Variants in WASHC5 observed in about 807,000 individuals in gnomAD.
The protein encoded by WASHC5 is WASH complex subunit 5.
Under a neutral mutation model 150.4 loss-of-function variants are expected in WASHC5, and 101 were observed. That is an observed-to-expected ratio of 0.67 (90% CI 0.57 to 0.79). WASHC5 has a LOEUF of 0.79. Among genes scored for constraint, WASHC5 ranks in the 30% least tolerant of loss-of-function variants. The pLI is 0.00. For synonymous variants in WASHC5, 467 were observed against 491.2 expected, an observed-to-expected ratio of 0.95 and a Z score of 0.65; for missense variants, 1,195 against 1,396.3, an observed-to-expected ratio of 0.86 and a Z score of 2.30.
intron 23 of WASHC5, among the ~76,000 whole-genome samples, chr8:125,042,252 A>G (rs1815912153): frequency 6.6e-6 from 1 of 152,202 alleles, no homozygotes; most frequent in Non-Finnish European, 1.5e-5. Context: ...ACTATTGAGT[A>G]CAGCAGCTCC....
chr8:125,067,449 C>T (rs1413967979), intron 10 of WASHC5, 143 bp downstream of exon 10: 1 of 705,452 alleles, frequency 1.4e-6, no homozygotes, highest in East Asian at 3.0e-5. Context: ...TATTCCTGTC[C>T]TTTAACTATA....
chr8:125,049,199 G>T lies in WASHC5; in HGVS notation c.2200-14C>A, dbSNP rs1478053831. 5 of 1,613,794 alleles carry T rather than the reference G, an allele frequency of 3.1e-6. No individual in the cohort carries two copies. The highest frequency in any genetic ancestry group is 4.2e-6 in the Non-Finnish European group (5 of 1,179,726). On this transcript the variant is annotated splice_polypyrimidine_tract_variant and intron_variant, in intron 18 of 28. Transcript: ENST00000318410. ...CAATTCACTTGGCTGTGGAAAAGGG[G>T]AAACATAAAGCTCTTACACTGGAGT...
Position 125,059,537 on chromosome 8 carries a change from T to C in WASHC5, c.1527A>G (p.Gln509=), listed in dbSNP as rs1165519503. The C allele has an allele frequency of 1.2e-6, 2 of 1,612,498 alleles. No homozygotes were observed. Among genetic ancestry groups the C allele is most frequent in the African/African-American group, 2.7e-5 (2 of 74,912 alleles). Residue 509 remains glutamine (Q), a synonymous_variant, in exon 13 of 29, where the codon CAA becomes CAG. Transcript: ENST00000318410. Reference sequence around the variant, plus strand: ...GATTGGATTCCAACTGGTGGAATTCTTGAACCTGTGTTACAGAAATATACT... The same window carrying C: ...GATTGGATTCCAACTGGTGGAATTCCTGAACCTGTGTTACAGAAATATACT... ...VQLIQALEEV[Q]EFHQLESNLQ...
intron 7 of WASHC5, among the ~76,000 whole-genome samples, chr8:125,075,971 T>G (rs11998695): frequency 4.6e-5 from 7 of 152,226 alleles, no homozygotes; most frequent in African/African-American, 1.2e-4. Context: ...ATTATTAAAG[T>G]GAAATTCCTA....
chr8:125,086,289 C>T (rs1438034133), intron 1 of WASHC5, among the ~76,000 whole-genome samples: 2 of 152,140 alleles, frequency 1.3e-5, no homozygotes, highest in Non-Finnish European at 2.9e-5. Context: ...CCTGTGTCTT[C>T]GCATGGCCAC....
At chr8:125,032,160 A>G (rs926776430) in intron 27 of WASHC5, 81 bp downstream of exon 27, 1 of 1,489,644 alleles carries the variant, frequency 6.7e-7, no homozygotes, top group Non-Finnish European at 9.4e-7. Context: ...TATTAGGGCG[A>G]TAAGAGGAAT....
chr8:125,040,368 C>T (rs1010785286), intron 23 of WASHC5, among the ~76,000 whole-genome samples: 1 of 152,126 alleles, frequency 6.6e-6, no homozygotes, highest in Non-Finnish European at 1.5e-5. Context: ...TCTGTCCATG[C>T]CACTCAGGAT....
chr8:125,077,591 G>C (rs143137387), intron 6 of WASHC5, among the ~76,000 whole-genome samples: 84 of 152,294 alleles, frequency 5.5e-4, no homozygotes, highest in South Asian at 2.5e-3. Context: ...ATTGCCTTCA[G>C]AAGGACGTGG....
At chr8:125,036,366 G>A (rs1358871681) in intron 26 of WASHC5, among the ~76,000 whole-genome samples, 1 of 152,206 alleles carries the variant, frequency 6.6e-6, no homozygotes, top group Non-Finnish European at 1.5e-5. Flanking sequence ...ACCATACTTT[G>A]TTGATTTTAA....
chr8:125,042,487 TG>T (rs1185256212), intron 23 of WASHC5, among the ~76,000 whole-genome samples: 1 of 152,142 alleles, frequency 6.6e-6, no homozygotes, highest in African/African-American at 2.4e-5. Flanking sequence ...ATTTGTCCTT[TG>T]GGGCTTTATT....
chr8:125,039,453 TA>T (rs1465602594), intron 24 of WASHC5, among the ~76,000 whole-genome samples: 1 of 152,214 alleles, frequency 6.6e-6, no homozygotes, highest in African/African-American at 2.4e-5. Context: ...AATTGCTTTC[TA>T]AAATCTGTGC....
chr8:125,074,352 G>A (rs1238576431), intron 8 of WASHC5, among the ~76,000 whole-genome samples: 1 of 152,144 alleles, frequency 6.6e-6, no homozygotes, highest in Non-Finnish European at 1.5e-5. Context: ...ACATGATGAA[G>A]TTTTTTGAGT....
At chr8:125,051,644 T>G (rs1286794835) in intron 17 of WASHC5, among the ~76,000 whole-genome samples, 3 of 152,192 alleles carry the variant, frequency 2.0e-5, no homozygotes, top group Non-Finnish European at 4.4e-5. Flanking sequence ...TCCCAGCTCT[T>G]TGGAAAGCTG....
In WASHC5 at chr8:125,082,487, G is replaced by A. The variant is rs116713324; in HGVS notation, c.333-20C>T. On this transcript the variant is annotated intron_variant, in intron 3 of 28. Transcript: ENST00000318410. ...AGATATCTAGAAATAAAACCACAGT[G>A]CAAGTTATTAATTTATAATAGAAAC... The A allele has an allele frequency of 2.4e-3, 3,014 of 1,237,630 alleles. 50 individuals are homozygous for A. In the African/African-American group the frequency reaches 0.035, roughly 15 times the overall value. The allele number at this position is 1,237,630 out of a possible 1,614,324, so 76.7% of individuals were successfully genotyped here.
rs747488633 is a variant in WASHC5, at chr8:125,032,387, G to A, written c.3189C>T (p.Val1063=). 1.9e-6 allele frequency: 3 copies of A among 1,613,944 alleles called. No homozygotes were observed. Among genetic ancestry groups the A allele is most frequent in the Non-Finnish European group, 2.5e-6 (3 of 1,180,010 alleles). Reference sequence around the variant, plus strand: ...CAACCGGGTCGGTCGGTTTTCGGCAGACCATTCCTGCAAGGGAACAAGTTG... The same window carrying A: ...CAACCGGGTCGGTCGGTTTTCGGCAAACCATTCCTGCAAGGGAACAAGTTG... ...KLQYNKNLGM[V]CRKPTDPVDW... The change falls in exon 27 of 29, where the codon GTC becomes GTT. Residue 1063 remains valine (V), a synonymous_variant. Coordinates refer to ENST00000318410, the MANE Select transcript of WASHC5 (RefSeq NM_014846.4).
rs1816517650 is a variant in WASHC5 at position 125,059,410 on chromosome 8, C to T, written c.1654G>A (p.Gly552Arg). 1 of 1,614,040 alleles carries T rather than the reference C, an allele frequency of 6.2e-7. No homozygotes were observed. Among genetic ancestry groups the T allele is most frequent in the Non-Finnish European group, 8.5e-7 (1 of 1,180,038 alleles). Residue 552 changes from glycine (G) to arginine (R), a missense_variant, in exon 13 of 29, where the codon GGG becomes AGG. Coordinates refer to ENST00000318410, the MANE Select transcript of WASHC5 (RefSeq NM_014846.4). ...EEVLITMQIV[G>R]DLSFAWQLID... Reference sequence around the variant, plus strand: ...AACTGCCAAGCGAAAGAAAGGTCCCCAACGATCTGCATTGTGATCAGAACC... The same window carrying T: ...AACTGCCAAGCGAAAGAAAGGTCCCTAACGATCTGCATTGTGATCAGAACC...
At chr8:125,050,479 G>A (rs1816206295) in intron 18 of WASHC5, 85 bp downstream of exon 18, 3 of 884,896 alleles carry the variant, frequency 3.4e-6, no homozygotes, top group Non-Finnish European at 5.7e-6. Context: ...GTAAGGTCTT[G>A]TTCGCGATAG....
chr8:125,078,665 G>A, intron 6 of WASHC5, 73 bp downstream of exon 6: 1 of 1,202,568 alleles, frequency 8.3e-7, no homozygotes, highest in South Asian at 1.2e-5. Flanking sequence ...AGGAAGGAAA[G>A]GAGTAATTAA....
At chr8:125,050,403 T>C (rs527380668) in intron 18 of WASHC5, among the ~76,000 whole-genome samples, 161 bp downstream of exon 18, 2 of 152,308 alleles carry the variant, frequency 1.3e-5, no homozygotes, top group South Asian at 2.1e-4. Context: ...GAATGGATTA[T>C]AAGATCAAAA....
Sources: allele counts gnomAD v4.1 joint callset (sites outside exome capture counted in the v4.1 genomes callset), GRCh38; gene constraint gnomAD v4.1.1; transcripts MANE v1.5; gene names NCBI Gene and HGNC (gene_info 2026-07-23, HGNC 2026-07-21).